Variants in NPB observed in about 807,000 individuals in gnomAD.
NPB encodes prepro-NPB.
A neutral mutation model predicts 6.7 loss-of-function variants in NPB; 8 were observed. The observed-to-expected ratio is 1.20, with a 90% CI of 0.71 to 2.17. The LOEUF is 2.17. NPB is among the 30% of genes most tolerant of loss of function. NPB has a pLI of 0.00. For synonymous variants in NPB, 118 were observed against 103.4 expected, an observed-to-expected ratio of 1.14 and a Z score of -0.86; for missense variants, 199 against 190.2, an observed-to-expected ratio of 1.05 and a Z score of -0.27.
In NPB at chr17:81,902,579, G is replaced by A. The variant is rs751536051; in HGVS notation, c.250-41G>A. The A allele has an allele frequency of 1.3e-6, 2 of 1,518,282 alleles. 1 individual carries two copies. The highest frequency in any genetic ancestry group is 2.4e-5 in the South Asian group (2 of 81,806). 94.1% of individuals were successfully genotyped at this position (1,518,282 alleles called of 1,614,324 possible). A position where few individuals can be genotyped will look rare whatever the true frequency, so the allele number is the denominator to read the frequency against. ...GGGGGCGGCGGCAGGACGTGGGTGG[G>A]GGTGCGGCGGCCCCTCAGCCTTTGC... On this transcript the variant is annotated intron_variant, in intron 1 of 1. Coordinates refer to ENST00000333383, the MANE Select transcript of NPB (RefSeq NM_148896.5).
chr17:81,902,679 C>G lies in NPB; in HGVS notation c.309C>G (p.Gly103=). The G allele has an allele frequency of 6.2e-7, 1 of 1,608,380 alleles. No homozygotes were observed. The highest frequency in any genetic ancestry group is 8.5e-7 in the Non-Finnish European group (1 of 1,178,730). Residue 103 remains glycine, a synonymous_variant, in exon 2 of 2, where the codon GGC becomes GGG. Transcript: ENST00000333383. ...NLQRCERLPD[G]RGTYQCKANV... is the part of the protein sequence containing the mutation. ...AGAGGTGCGAGCGGCTCCCCGACGGCCGCGGGACCTACCAGTGCAAGGCGA... is the reference window on the plus strand; with the variant it reads ...AGAGGTGCGAGCGGCTCCCCGACGGGCGCGGGACCTACCAGTGCAAGGCGA...
rs1032020333 is a variant in NPB at position 81,902,540 on chromosome 17, G to T, written c.249+14G>T. The stretch of plus-strand genomic sequence containing the variant: ...CTGCGGAGCCTCGTGAGTCCGGCGT[G>T]CCGGGGACTGATGGGGGGCGGCGGC... On this transcript the variant is annotated intron_variant, in intron 1 of 1. Transcript: ENST00000333383. 6.8e-7 allele frequency: 1 copy of T among 1,479,484 alleles called. No homozygotes were observed. Among genetic ancestry groups the T allele is most frequent in the Non-Finnish European group, 8.9e-7 (1 of 1,121,800 alleles). 91.6% of individuals were successfully genotyped at this position (1,479,484 alleles called of 1,614,324 possible). A position where few individuals can be genotyped will look rare whatever the true frequency, so the allele number is the denominator to read the frequency against.
Position 81,902,819 on chromosome 17 carries a change from CCGGCGCGGGATGGCG to C in NPB, c.*73_*87del, listed in dbSNP as rs2040015638. 7.0e-7 allele frequency: 1 copy of C among 1,425,856 alleles called. No individual in the cohort carries two copies. Among genetic ancestry groups the C allele is most frequent in the South Asian group, 1.3e-5 (1 of 74,124 alleles). The allele number at this position is 1,425,856 out of a possible 1,614,324, so 88.3% of individuals were successfully genotyped here. A position where few individuals can be genotyped will look rare whatever the true frequency, so the allele number is the denominator to read the frequency against. On this transcript the variant is annotated 3_prime_UTR_variant, in exon 2 of 2. Coordinates refer to ENST00000333383, the MANE Select transcript of NPB (RefSeq NM_148896.5). The stretch of plus-strand genomic sequence containing the variant: ...TCCCACTCGGTGACCCCAGGCCCCT[CCGGCGCGGGATGGCG>C]CCCCAGGTCTCCCCTACTCCGCTCA...
chr17:81,902,855 G>T lies in NPB; in HGVS notation c.*107G>T. 1.0e-6 allele frequency: 1 copy of T among 967,094 alleles called. No individual in the cohort carries two copies. 59.9% of individuals were successfully genotyped at this position (967,094 alleles called of 1,614,324 possible). ...TGGCGCCCCAGGTCTCCCCTACTCCGCTCACCCCGCAGTTAATGGCAAACG... is the reference window on the plus strand; with the variant it reads ...TGGCGCCCCAGGTCTCCCCTACTCCTCTCACCCCGCAGTTAATGGCAAACG... On this transcript the variant is annotated 3_prime_UTR_variant, in exon 2 of 2. Transcript: ENST00000333383.
Position 81,902,735 on chromosome 17 carries a change from G to C in NPB, c.365G>C (p.Cys122Ser). The change falls in exon 2 of 2, where the codon TGC becomes TCC. Residue 122 changes from cysteine (C) to serine (S), a missense_variant. Transcript: ENST00000333383. Reference sequence around the variant, plus strand: ...TTCCTGTCCCTGCGCGCAGCCGACTGCCTCGCCGCCTGAGCCCGGACCTCT... The same window carrying C: ...TTCCTGTCCCTGCGCGCAGCCGACTCCCTCGCCGCCTGAGCCCGGACCTCT... ...NVFLSLRAAD[C>S]LAA 1 of 1,606,764 alleles carries C rather than the reference G, an allele frequency of 6.2e-7. No homozygotes were observed. The highest frequency in any genetic ancestry group is 8.5e-7 in the Non-Finnish European group (1 of 1,177,952).
Position 81,902,340 on chromosome 17 carries a change from T to C in NPB, c.63T>C (p.Pro21=). The part of the protein sequence containing the change: ...ALALCLLLAP[P]GLAWYKPAAG... The stretch of plus-strand genomic sequence containing the variant: ...CGCTGTGCCTGCTGCTGGCGCCGCC[T>C]GGCCTCGCGTGGTACAAGCCAGCGG... Residue 21 remains proline, a synonymous_variant, in exon 1 of 2, where the codon CCT becomes CCC. Transcript: ENST00000333383. 1 of 1,338,462 alleles carries C rather than the reference T, an allele frequency of 7.5e-7. No individual in the cohort carries two copies. The highest frequency in any genetic ancestry group is 9.5e-7 in the Non-Finnish European group (1 of 1,053,136). 82.9% of individuals were successfully genotyped at this position (1,338,462 alleles called of 1,614,324 possible).
rs191490396 is a variant in NPB at position 81,902,657 on chromosome 17, G to T, written c.287G>T (p.Arg96Met). 2 of 1,606,790 alleles carry T rather than the reference G, an allele frequency of 1.2e-6. No individual in the cohort carries two copies. Among genetic ancestry groups the T allele is most frequent in the Non-Finnish European group, 8.5e-7 (1 of 1,178,294 alleles). ...CAGGACGTCGCCCCAAACCTGCAGAGGTGCGAGCGGCTCCCCGACGGCCGC... is the reference window on the plus strand; with the variant it reads ...CAGGACGTCGCCCCAAACCTGCAGATGTGCGAGCGGCTCCCCGACGGCCGC... ...CVQDVAPNLQ[R>M]CERLPDGRGT... Residue 96 changes from arginine (R) to methionine (M), a missense_variant, in exon 2 of 2, where the codon AGG becomes ATG. Transcript: ENST00000333383.
At position 81,902,778 on chromosome 17, in the gene NPB, C is replaced by T. The variant is rs1374967124; in HGVS notation, c.*30C>T. 20 of 1,571,382 alleles carry T rather than the reference C, an allele frequency of 1.3e-5. No homozygotes were observed. The highest frequency in any genetic ancestry group is 2.3e-5 in the East Asian group (1 of 43,138). ...GGACCTCTCCTGGCACCGCTGGGGG[C>T]CCCCCGCCCCCACCGTCCCACTCGG... On this transcript the variant is annotated 3_prime_UTR_variant, in exon 2 of 2. Coordinates refer to ENST00000333383, the MANE Select transcript of NPB (RefSeq NM_148896.5).
rs1433284706 is a variant in NPB at position 81,902,453 on chromosome 17, A to G, written c.176A>G (p.Tyr59Cys). 1 of 1,384,374 alleles carries G rather than the reference A, an allele frequency of 7.2e-7. No individual in the cohort carries two copies. The highest frequency in any genetic ancestry group is 9.3e-7 in the Non-Finnish European group (1 of 1,078,848). The allele number at this position is 1,384,374 out of a possible 1,614,324, so 85.8% of individuals were successfully genotyped here. A position where few individuals can be genotyped will look rare whatever the true frequency, so the allele number is the denominator to read the frequency against. Residue 59 changes from tyrosine (Y) to cysteine (C), a missense_variant, in exon 1 of 2, where the codon TAC (tyrosine) becomes TGC (cysteine). By Grantham distance (194) the Tyr-to-Cys change is radical. Coordinates refer to ENST00000333383, the MANE Select transcript of NPB (RefSeq NM_148896.5). Reference protein sequence around the residue: ...RSPYARRSQPYRGAEPPGGAG... With the variant: ...RSPYARRSQPCRGAEPPGGAG... ...CCGTACGCGCGGCGCTCCCAGCCCTACAGAGGGGCGGAACCCCCGGGCGGG... is the reference window on the plus strand; with the variant it reads ...CCGTACGCGCGGCGCTCCCAGCCCTGCAGAGGGGCGGAACCCCCGGGCGGG...
rs1318102113 is a variant in NPB at position 81,902,431 on chromosome 17, T to C, written c.154T>C (p.Tyr52His). Reference sequence around the variant, plus strand: ...GCTGTCCGGCCTCCGCAGGTCCCCGTACGCGCGGCGCTCCCAGCCCTACAG... The same window carrying C: ...GCTGTCCGGCCTCCGCAGGTCCCCGCACGCGCGGCGCTCCCAGCCCTACAG... ...GLLSGLRRSP[Y>H]ARRSQPYRGA... is the part of the protein sequence containing the mutation. Residue 52 changes from tyrosine (Y) to histidine (H), a missense_variant, in exon 1 of 2, where the codon TAC (tyrosine) becomes CAC (histidine). By Grantham distance (83) the Tyr-to-His change is moderately conservative. Transcript: ENST00000333383. 2.2e-6 allele frequency: 3 copies of C among 1,352,870 alleles called. No homozygotes were observed. The highest frequency in any genetic ancestry group is 3.1e-5 in the African/African-American group (2 of 64,916). 83.8% of individuals were successfully genotyped at this position (1,352,870 alleles called of 1,614,324 possible).
At position 81,902,613 on chromosome 17, in the gene NPB, C is replaced by T. The variant is rs746501080; in HGVS notation, c.250-7C>T. The T allele has an allele frequency of 1.3e-6, 2 of 1,577,174 alleles. No homozygotes were observed. The highest frequency in any genetic ancestry group is 1.1e-5 in the South Asian group (1 of 86,974). ...GGCCCCTCAGCCTTTGCTTGCCTGC[C>T]CCCCAGGCTGTGTGCGTCCAGGACG... is the stretch of plus-strand genomic sequence containing the variant. On this transcript the variant is annotated splice_polypyrimidine_tract_variant and splice_region_variant and intron_variant, in intron 1 of 1. Transcript: ENST00000333383.
Position 81,902,484 on chromosome 17 carries a change from C to T in NPB, c.207C>T (p.Gly69=). ...YRGAEPPGGA[G]ASPELQLHPR... Reference sequence around the variant, plus strand: ...GGGCGGAACCCCCGGGCGGGGCCGGCGCCTCCCCGGAGCTGCAACTGCACC... The same window carrying T: ...GGGCGGAACCCCCGGGCGGGGCCGGTGCCTCCCCGGAGCTGCAACTGCACC... Residue 69 remains glycine (G), a synonymous_variant, in exon 1 of 2, where the codon GGC becomes GGT. Coordinates refer to ENST00000333383, the MANE Select transcript of NPB (RefSeq NM_148896.5). The T allele has an allele frequency of 7.2e-7, 1 of 1,397,754 alleles. No individual in the cohort carries two copies. Among genetic ancestry groups the T allele is most frequent in the Non-Finnish European group, 9.2e-7 (1 of 1,084,424 alleles). The allele number at this position is 1,397,754 out of a possible 1,614,324, so 86.6% of individuals were successfully genotyped here.
chr17:81,902,722 C>A lies in NPB; in HGVS notation c.352C>A (p.Arg118Ser). 6.2e-7 allele frequency: 1 copy of A among 1,608,100 alleles called. No homozygotes were observed. Among genetic ancestry groups the A allele is most frequent in the East Asian group, 2.2e-5 (1 of 44,652 alleles). Residue 118 changes from arginine (R) to serine (S), a missense_variant, in exon 2 of 2, where the codon CGC becomes AGC. Transcript: ENST00000333383. ...QCKANVFLSLRAADCLAA is the reference protein window; with the variant it reads ...QCKANVFLSLSAADCLAA ...CAAGGCGAACGTCTTCCTGTCCCTGCGCGCAGCCGACTGCCTCGCCGCCTG... is the reference window on the plus strand; with the variant it reads ...CAAGGCGAACGTCTTCCTGTCCCTGAGCGCAGCCGACTGCCTCGCCGCCTG...
chr17:81,902,533 C>T lies in NPB; in HGVS notation c.249+7C>T, dbSNP rs1041221654. The T allele has an allele frequency of 5.5e-6, 8 of 1,461,618 alleles. No homozygotes were observed. The highest frequency in any genetic ancestry group is 6.3e-6 in the Non-Finnish European group (7 of 1,113,998). The allele number at this position is 1,461,618 out of a possible 1,614,324, so 90.5% of individuals were successfully genotyped here. ...CCCCAGGCTGCGGAGCCTCGTGAGTCCGGCGTGCCGGGGACTGATGGGGGG... is the reference window on the plus strand; with the variant it reads ...CCCCAGGCTGCGGAGCCTCGTGAGTTCGGCGTGCCGGGGACTGATGGGGGG... On this transcript the variant is annotated splice_region_variant and intron_variant, in intron 1 of 1. Coordinates refer to ENST00000333383, the MANE Select transcript of NPB (RefSeq NM_148896.5).
At position 81,902,825 on chromosome 17, in the gene NPB, C is replaced by T; in HGVS notation, c.*77C>T. ...TCGGTGACCCCAGGCCCCTCCGGCG[C>T]GGGATGGCGCCCCAGGTCTCCCCTA... On this transcript the variant is annotated 3_prime_UTR_variant, in exon 2 of 2. Coordinates refer to ENST00000333383, the MANE Select transcript of NPB (RefSeq NM_148896.5). The T allele has an allele frequency of 7.4e-7, 1 of 1,352,828 alleles. No individual in the cohort carries two copies. Among genetic ancestry groups the T allele is most frequent in the Non-Finnish European group, 9.9e-7 (1 of 1,006,188 alleles). 83.8% of individuals were successfully genotyped at this position (1,352,828 alleles called of 1,614,324 possible). A position where few individuals can be genotyped will look rare whatever the true frequency, so the allele number is the denominator to read the frequency against.
rs2039985366 is a variant in NPB, at chr17:81,902,366, C to T, written c.89C>T (p.Ala30Val). The change falls in exon 1 of 2, where the codon GCG (alanine) becomes GTG (valine). Residue 30 changes from alanine to valine, a missense_variant. Ala to Val is a moderately conservative substitution (Grantham distance 64). Coordinates refer to ENST00000333383, the MANE Select transcript of NPB (RefSeq NM_148896.5). The part of the protein sequence containing the change: ...PPGLAWYKPA[A>V]GHSSYSVGRA... The stretch of plus-strand genomic sequence containing the variant: ...GGCCTCGCGTGGTACAAGCCAGCGG[C>T]GGGGCACAGCTCCTACTCGGTGGGC... 7.5e-7 allele frequency: 1 copy of T among 1,340,620 alleles called. No individual in the cohort carries two copies. The highest frequency in any genetic ancestry group is 9.5e-7 in the Non-Finnish European group (1 of 1,053,972). 83.0% of individuals were successfully genotyped at this position (1,340,620 alleles called of 1,614,324 possible).
rs1567876348 is a variant in NPB, at chr17:81,902,256, C to A, written c.-22C>A. On this transcript the variant is annotated 5_prime_UTR_variant, in exon 1 of 2. Transcript: ENST00000333383. Reference sequence around the variant, plus strand: ...CTGCTCCGAGCCCGGACGCCGCCGCCCACCAGTCAGCCGGCGTCCCCATGG... The same window carrying A: ...CTGCTCCGAGCCCGGACGCCGCCGCACACCAGTCAGCCGGCGTCCCCATGG... 5 of 1,237,088 alleles carry A rather than the reference C, an allele frequency of 4.0e-6. No individual in the cohort carries two copies. Among genetic ancestry groups the A allele is most frequent in the Non-Finnish European group, 5.0e-6 (5 of 991,182 alleles). 76.6% of individuals were successfully genotyped at this position (1,237,088 alleles called of 1,614,324 possible). A position where few individuals can be genotyped will look rare whatever the true frequency, so the allele number is the denominator to read the frequency against.
At position 81,902,640 on chromosome 17, in the gene NPB, C is replaced by T. The variant is rs554383871; in HGVS notation, c.270C>T (p.Val90=). 11 of 1,600,828 alleles carry T rather than the reference C, an allele frequency of 6.9e-6. No individual in the cohort carries two copies. Among genetic ancestry groups the T allele is most frequent in the African/African-American group, 2.7e-5 (2 of 74,072 alleles). Residue 90 remains valine, a synonymous_variant, in exon 2 of 2, where the codon GTC becomes GTT. Transcript: ENST00000333383. ...LRSLAVCVQD[V]APNLQRCERL... is the part of the protein sequence containing the mutation. ...CCCAGGCTGTGTGCGTCCAGGACGTCGCCCCAAACCTGCAGAGGTGCGAGC... is the reference window on the plus strand; with the variant it reads ...CCCAGGCTGTGTGCGTCCAGGACGTTGCCCCAAACCTGCAGAGGTGCGAGC...
chr17:81,902,385 G>C lies in NPB; in HGVS notation c.108G>C (p.Ser36=), dbSNP rs914061008. The part of the protein sequence containing the change: ...YKPAAGHSSY[S]VGRAAGLLSG... Reference sequence around the variant, plus strand: ...CAGCGGCGGGGCACAGCTCCTACTCGGTGGGCCGCGCCGCGGGGCTGCTGT... The same window carrying C: ...CAGCGGCGGGGCACAGCTCCTACTCCGTGGGCCGCGCCGCGGGGCTGCTGT... The change falls in exon 1 of 2, where the codon TCG becomes TCC. Residue 36 remains serine, a synonymous_variant. Transcript: ENST00000333383. 8.3e-5 allele frequency: 112 copies of C among 1,342,060 alleles called. No individual in the cohort carries two copies. In the African/African-American group the frequency reaches 1.5e-3, roughly 18 times the overall value. The allele number at this position is 1,342,060 out of a possible 1,614,324, so 83.1% of individuals were successfully genotyped here. A position where few individuals can be genotyped will look rare whatever the true frequency, so the allele number is the denominator to read the frequency against.
Sources: gnomAD v4.1 joint callset for allele counts on GRCh38, gnomAD v4.1.1 for gene constraint, MANE v1.5 for transcripts, NCBI Gene and HGNC (gene_info 2026-07-23, HGNC 2026-07-21) for gene names.